GNAL: variants seen among roughly 807,000 people sequenced by gnomAD.
The protein encoded by GNAL is guanine nucleotide-binding protein G(olf) subunit alpha.
A neutral mutation model predicts 55.1 loss-of-function variants in GNAL; 18 were observed. That is an observed-to-expected ratio of 0.33 (90% CI 0.23 to 0.48). GNAL has a LOEUF of 0.48. GNAL is among the 20% of genes least tolerant of loss of function. The pLI is 0.99. For synonymous variants in GNAL, 253 were observed against 237.0 expected (o/e 1.07, Z -0.62); for missense variants, 412 against 614.1 (o/e 0.67, Z 3.48).
chr18:11,852,179 GATA>G, intron 5 of GNAL: 1 of 1,466,946 alleles, frequency 6.8e-7, no homozygotes, highest in Non-Finnish European at 9.0e-7. Flanking sequence ...GTGTTAGAGA[GATA>G]CTATACCCTA....
intron 1 of GNAL, among the ~76,000 whole-genome samples, chr18:11,739,617 G>A (rs1345068795): frequency 2.0e-5 from 3 of 151,950 alleles, no homozygotes; most frequent in East Asian, 3.9e-4. Context: ...ATTGGCATTA[G>A]TGAAGAATAC....
At chr18:11,789,731 C>T (rs1370639571) in intron 4 of GNAL, among the ~76,000 whole-genome samples, 1 of 152,210 alleles carries the variant, frequency 6.6e-6, no homozygotes, top group Non-Finnish European at 1.5e-5. Context: ...TGGAGATGCT[C>T]TTAGGTGGAC....
intron 4 of GNAL, among the ~76,000 whole-genome samples, chr18:11,759,375 G>C (rs900009720): frequency 2.6e-5 from 4 of 152,210 alleles, no homozygotes; most frequent in Admixed American, 6.5e-5. Flanking sequence ...AGGGGAAGAG[G>C]ATAAATCAGG....
intron 5 of GNAL, among the ~76,000 whole-genome samples, chr18:11,833,965 C>G (rs1468164499): frequency 1.3e-5 from 2 of 152,144 alleles, no homozygotes; most frequent in Non-Finnish European, 2.9e-5. Context: ...CCTCTGTTGC[C>G]TCCAAATGTG....
At position 11,868,300 on chromosome 18, in the gene GNAL, CA is replaced by C. The variant is rs369754427; in HGVS notation, c.911-231del. ...GGGAGACAAGAGTGAAACTCCATCT[CA>C]AAAAAAAAAAAGCACTTAAGCATCC... On this transcript the variant is annotated intron_variant, in intron 8 of 11. Coordinates refer to ENST00000334049, the MANE Select transcript of GNAL (RefSeq NM_182978.4). The surrounding 1 kb of genome is among the most constrained non-coding windows in gnomAD (Gnocchi z 4.0). Among the ~76,000 whole-genome samples the C allele has an allele frequency of 0.11, 15,058 of 140,932 alleles. 887 individuals carry two copies. The highest frequency in any genetic ancestry group is 0.17 in the African/African-American group (6,651 of 38,978). The allele number at this position is 140,932 out of a possible 152,430, so 92.5% of individuals were successfully genotyped here.
At chr18:11,848,986 T>G (rs2035796121) in intron 5 of GNAL, among the ~76,000 whole-genome samples, 1 of 152,248 alleles carries the variant, frequency 6.6e-6, no homozygotes, top group Non-Finnish European at 1.5e-5. Flanking sequence ...GCAAGTTTCT[T>G]AGCTCTCTGT....
chr18:11,751,702 A>T lies in GNAL; in HGVS notation c.377-1151A>T. The T allele has an allele frequency of 2.0e-6, 2 of 976,194 alleles. No homozygotes were observed. The highest frequency in any genetic ancestry group is 2.4e-6 in the Non-Finnish European group (2 of 821,586). 60.5% of individuals were successfully genotyped at this position (976,194 alleles called of 1,614,324 possible). A position where few individuals can be genotyped will look rare whatever the true frequency, so the allele number is the denominator to read the frequency against. On this transcript the variant is annotated intron_variant, in intron 1 of 11. Coordinates refer to ENST00000334049, the MANE Select transcript of GNAL (RefSeq NM_182978.4). This position sits in a 1 kb window ranked among gnomAD's most constrained non-coding sequence, Gnocchi z 4.5. ...TGCGGGCCCGGAACCCAGGCCGGTC[A>T]GCGTGTAAGCGCCCCAGCCGGCCGG...
intron 4 of GNAL, among the ~76,000 whole-genome samples, chr18:11,777,967 T>TTC (rs2033828520): frequency 6.6e-6 from 1 of 152,186 alleles, no homozygotes; most frequent in Non-Finnish European, 1.5e-5. Context: ...GTCTATGCCC[T>TTC]TCGCCCCTCA....
intron 1 of GNAL, among the ~76,000 whole-genome samples, chr18:11,695,050 TG>T (rs1214490990): frequency 2.0e-5 from 3 of 151,980 alleles, no homozygotes; most frequent in African/African-American, 7.3e-5. Context: ...TACAGTCATG[TG>T]GGGGGTTAGG....
At chr18:11,785,295 A>G (rs1309831228) in intron 4 of GNAL, among the ~76,000 whole-genome samples, 5 of 152,196 alleles carry the variant, frequency 3.3e-5, no homozygotes, top group African/African-American at 7.2e-5. Context: ...TTCCCATGAT[A>G]TCATCCTTTA....
At chr18:11,691,874 G>A (rs1204277766) in intron 1 of GNAL, among the ~76,000 whole-genome samples, 1 of 152,216 alleles carries the variant, frequency 6.6e-6, no homozygotes, top group Non-Finnish European at 1.5e-5. Flanking sequence ...CTGCGTGCAG[G>A]AGGGTGGGTG....
chr18:11,821,414 C>T (rs1475453698), intron 4 of GNAL, among the ~76,000 whole-genome samples: 1 of 152,196 alleles, frequency 6.6e-6, no homozygotes, highest in Non-Finnish European at 1.5e-5. Context: ...CTTAACTGAT[C>T]TGAGCACAAT....
chr18:11,821,575 GA>G (rs2035090405), intron 4 of GNAL, among the ~76,000 whole-genome samples: 1 of 152,220 alleles, frequency 6.6e-6, no homozygotes, highest in Admixed American at 6.5e-5. Flanking sequence ...TGACATGCAG[GA>G]AATTAACGCA....
chr18:11,715,951 A>C (rs1369627647), intron 1 of GNAL, among the ~76,000 whole-genome samples: 1 of 152,100 alleles, frequency 6.6e-6, no homozygotes, highest in Admixed American at 6.5e-5. Context: ...ATGAGATACC[A>C]TCTCACACCA....
intron 4 of GNAL, among the ~76,000 whole-genome samples, chr18:11,818,228 C>CA (rs1384099349): frequency 1.3e-5 from 2 of 152,084 alleles, no homozygotes; most frequent in East Asian, 3.9e-4. Flanking sequence ...TTATACATAA[C>CA]AAAATCATAG....
At chr18:11,721,674 C>T (rs2032096514) in intron 1 of GNAL, among the ~76,000 whole-genome samples, 1 of 151,988 alleles carries the variant, frequency 6.6e-6, no homozygotes, top group Non-Finnish European at 1.5e-5. Context: ...GAGAATCTGT[C>T]TCTGGTAGCC....
intron 4 of GNAL, among the ~76,000 whole-genome samples, chr18:11,803,462 C>G (rs2034571036): frequency 1.3e-5 from 2 of 152,232 alleles, no homozygotes; most frequent in African/African-American, 4.8e-5. Context: ...ATTATCCATT[C>G]TTCTGCCCAT....
At chr18:11,767,420 C>T (rs896724217) in intron 4 of GNAL, among the ~76,000 whole-genome samples, 6 of 151,496 alleles carry the variant, frequency 4.0e-5, no homozygotes, top group South Asian at 2.1e-4. Context: ...GTACCCCTGC[C>T]GCTGTGCACC....
In GNAL at chr18:11,868,717, TAAA is replaced by T; in HGVS notation, c.1031+57_1031+59del. The T allele has an allele frequency of 2.0e-6, 3 of 1,506,844 alleles. No homozygotes were observed. The highest frequency in any genetic ancestry group is 2.7e-6 in the Non-Finnish European group (3 of 1,099,232). The allele number at this position is 1,506,844 out of a possible 1,614,324, so 93.3% of individuals were successfully genotyped here. On this transcript the variant is annotated intron_variant, in intron 9 of 11. Coordinates refer to ENST00000334049, the MANE Select transcript of GNAL (RefSeq NM_182978.4). This position sits in a 1 kb window ranked among gnomAD's most constrained non-coding sequence, Gnocchi z 4.0. ...CATTGGATTGCAAATTTTCTTTTGTTAAAAATACGCTCAGGCCAGGCGTTGTGG... is the reference window on the plus strand; with the variant it reads ...CATTGGATTGCAAATTTTCTTTTGTTAATACGCTCAGGCCAGGCGTTGTGG...
Sources: allele counts gnomAD v4.1 joint callset (sites outside exome capture counted in the v4.1 genomes callset), GRCh38; gene constraint gnomAD v4.1.1; non-coding constraint Gnocchi (gnomAD v3.1); transcripts MANE v1.5; gene names NCBI Gene and HGNC (gene_info 2026-07-23, HGNC 2026-07-21).